CAMKK2: variants seen among roughly 807,000 people sequenced by gnomAD.
CAMKK2 encodes calcium/calmodulin dependent protein kinase kinase 2, also known as calcium/calmodulin-dependent protein kinase kinase 2.
CAMKK2 carries 30 observed loss-of-function variants against 67.2 expected under a neutral mutation model. That is an observed-to-expected ratio of 0.45 (90% confidence interval 0.33 to 0.61). The LOEUF (loss-of-function observed/expected upper bound fraction) is 0.61, where lower values mean the gene tolerates loss of function less well. Ranked by LOEUF, CAMKK2 falls within the 20% of genes least tolerant of loss-of-function variation. The pLI, the probability that CAMKK2 is intolerant of heterozygous loss-of-function variation, is 0.02. For synonymous variants in CAMKK2, 322 were observed against 326.2 expected (o/e 0.99, Z 0.14); for missense variants, 643 against 802.0 (o/e 0.80, Z 2.39).
At chr12:121,268,764 A>C in intron 4 of CAMKK2, 75 bp from the exon 5 acceptor site, 1 of 1,439,426 alleles carries the variant, frequency 6.9e-7, no homozygotes, top group Non-Finnish European at 9.8e-7. Context: ...AGGAGGGCGC[A>C]GTCGGGGTTC....
At chr12:121,286,495 T>C (rs1898761808) in intron 1 of CAMKK2, among the ~76,000 whole-genome samples, 1 of 152,186 alleles carries the variant, frequency 6.6e-6, no homozygotes, top group Admixed American at 6.5e-5. Context: ...CATTTAACTG[T>C]CACAACCACC....
At chr12:121,256,235 C>G (rs777353182) in intron 7 of CAMKK2, among the ~76,000 whole-genome samples, 1 of 152,108 alleles carries the variant, frequency 6.6e-6, no homozygotes, top group Non-Finnish European at 1.5e-5. Context: ...AAAAATCAGC[C>G]GGGCGTGGTG....
At chr12:121,275,433 G>A (rs915348105) in intron 1 of CAMKK2, among the ~76,000 whole-genome samples, 3 of 141,670 alleles carry the variant, frequency 2.1e-5, no homozygotes, top group African/African-American at 8.2e-5. Context: ...GCAGTGAGCC[G>A]AGATCATGCC....
chr12:121,288,473 A>G (rs1260697455), intron 1 of CAMKK2, among the ~76,000 whole-genome samples: 1 of 152,242 alleles, frequency 6.6e-6, no homozygotes, highest in East Asian at 1.9e-4. Context: ...AGAACTGTCC[A>G]GGATGAACCG....
chr12:121,280,078 C>G (rs897207404), intron 1 of CAMKK2, among the ~76,000 whole-genome samples: 6 of 152,276 alleles, frequency 3.9e-5, no homozygotes, highest in Admixed American at 3.9e-4. Context: ...GGACGATGTC[C>G]TGCCCGGGAC....
At chr12:121,258,455 C>T (rs1892786452) in intron 7 of CAMKK2, among the ~76,000 whole-genome samples, 1 of 152,202 alleles carries the variant, frequency 6.6e-6, no homozygotes, top group Admixed American at 6.5e-5. Flanking sequence ...ACCTCAGCCT[C>T]CCAAGTGCTG....
intron 7 of CAMKK2, among the ~76,000 whole-genome samples, chr12:121,256,356 G>T (rs1403616877): frequency 6.6e-6 from 1 of 152,042 alleles, no homozygotes; most frequent in African/African-American, 2.4e-5. Flanking sequence ...TCTAGCCTGG[G>T]CAACAGAGCA....
chr12:121,271,761 G>A (rs1358610614), intron 2 of CAMKK2, among the ~76,000 whole-genome samples: 1 of 151,862 alleles, frequency 6.6e-6, no homozygotes, highest in Admixed American at 6.6e-5. Context: ...AGGCTGGAGT[G>A]CAATGGCACA....
chr12:121,272,701 TAA>T (rs11292057), intron 2 of CAMKK2, among the ~76,000 whole-genome samples: 1,399 of 117,434 alleles, frequency 0.012, 18 homozygotes, highest in African/African-American at 0.032. Context: ...CATCTCTACT[TAA>T]AAAAAAAAAA....
intron 1 of CAMKK2, among the ~76,000 whole-genome samples, chr12:121,278,260 G>A (rs1201970339): frequency 1.3e-5 from 2 of 152,086 alleles, no homozygotes; most frequent in Non-Finnish European, 2.9e-5. Context: ...TCCTTCTCAT[G>A]GTCCTTATGT....
chr12:121,244,550 C>T (rs769183368), intron 16 of CAMKK2, 23 bp downstream of exon 16: 9 of 1,555,252 alleles, frequency 5.8e-6, no homozygotes, highest in Admixed American at 1.9e-5. Context: ...GCAGAGGCTA[C>T]GGCACAGGCA....
chr12:121,260,384 A>G, intron 6 of CAMKK2, 29 bp from the exon 7 acceptor site: 1 of 1,608,250 alleles, frequency 6.2e-7, no homozygotes, highest in Non-Finnish European at 8.5e-7. Flanking sequence ...AATAGGCAGG[A>G]GACGGATGGC....
chr12:121,271,710 C>CT (rs1324803398), intron 2 of CAMKK2, among the ~76,000 whole-genome samples: 6 of 151,856 alleles, frequency 4.0e-5, no homozygotes, highest in Non-Finnish European at 7.4e-5. Flanking sequence ...AAAACTTTGG[C>CT]TTTTTTTTCT....
At chr12:121,257,635 G>A (rs1229554456) in intron 7 of CAMKK2, among the ~76,000 whole-genome samples, 1 of 152,140 alleles carries the variant, frequency 6.6e-6, no homozygotes, top group Non-Finnish European at 1.5e-5. Flanking sequence ...AGGCTTAAAG[G>A]TTCTGATCAG....
intron 16 of CAMKK2, chr12:121,243,690 T>A: frequency 4.6e-6 from 1 of 216,368 alleles, no homozygotes; most frequent in South Asian, 9.1e-5. Context: ...AGCTAAGGAG[T>A]GTAGGGTGTC....
At chr12:121,259,097 C>G (rs1013389504) in intron 7 of CAMKK2, among the ~76,000 whole-genome samples, 7 of 152,158 alleles carry the variant, frequency 4.6e-5, no homozygotes, top group Admixed American at 4.6e-4. Context: ...CCCGCTCGGA[C>G]TCCCAAAGCG....
In CAMKK2 at chr12:121,260,414, T is replaced by C. The variant is rs115318927; in HGVS notation, c.760-59A>G. The C allele has an allele frequency of 4.8e-4, 732 of 1,511,932 alleles. 3 individuals are homozygous for C. In the African/African-American group the frequency reaches 8.7e-3, roughly 18 times the overall value. The allele number at this position is 1,511,932 out of a possible 1,614,324, so 93.7% of individuals were successfully genotyped here. A position where few individuals can be genotyped will look rare whatever the true frequency, so the allele number is the denominator to read the frequency against. On this transcript the variant is annotated intron_variant, in intron 6 of 16. Coordinates refer to ENST00000404169, the MANE Select transcript of CAMKK2 (RefSeq NM_001270485.2). ...GATGGCGGGGGAGAAAAAGAGAGAA[T>C]AGATATGAGCAGGGAGGAGGCAGCA...
intron 7 of CAMKK2, among the ~76,000 whole-genome samples, chr12:121,259,315 C>T (rs1892978373): frequency 6.6e-6 from 1 of 152,138 alleles, no homozygotes; most frequent in South Asian, 2.1e-4. Context: ...ACGGTGTTGT[C>T]GCTTTCAAAA....
intron 1 of CAMKK2, among the ~76,000 whole-genome samples, chr12:121,295,782 T>C (rs910518539): frequency 6.6e-6 from 1 of 152,144 alleles, no homozygotes; most frequent in Non-Finnish European, 1.5e-5. Flanking sequence ...GGGGCTGAGC[T>C]GCATCCTGTC....
Sources: gnomAD v4.1 joint callset for allele counts (sites outside exome capture counted in the v4.1 genomes callset) on GRCh38, gnomAD v4.1.1 for gene constraint, MANE v1.5 for transcripts, NCBI Gene and HGNC (gene_info 2026-07-23, HGNC 2026-07-21) for gene names.